Variants in BZW1 observed in about 807,000 individuals in gnomAD.
BZW1 encodes the protein eIF5-mimic protein 2.
BZW1 carries 3 observed loss-of-function variants against 54.1 expected under a neutral mutation model. That is an observed-to-expected ratio of 0.06 (90% CI 0.03 to 0.14). BZW1 has a LOEUF of 0.14. BZW1 is among the 10% of genes least tolerant of loss of function. The pLI is 1.00. For synonymous variants in BZW1, 152 were observed against 162.7 expected (o/e 0.93, Z 0.50); for missense variants, 206 against 491.7 (o/e 0.42, Z 5.50).
Position 200,822,177 on chromosome 2 carries a change from G to A in BZW1, c.1259G>A (p.Ter420=). The change falls in exon 12 of 12, where the codon TGA becomes TAA. Residue 420 remains the stop codon, a stop_retained_variant. Transcript: ENST00000409600. ...GAATCTGAAGCTGAAGAAGGTGACT[G>A]AATTTTGAAACTACACCCTCAGTAA... The part of the protein sequence containing the change: ...ESESEAEEGD[*] 1 of 1,603,178 alleles carries A rather than the reference G, an allele frequency of 6.2e-7. No individual in the cohort carries two copies. Among genetic ancestry groups the A allele is most frequent in the Non-Finnish European group, 8.5e-7 (1 of 1,173,762 alleles).
rs1205357249 is a variant in BZW1 at position 200,824,707 on chromosome 2, C to T, written c.*2529C>T. 3 of 143,068 alleles carry T rather than the reference C, an allele frequency of 2.1e-5. No homozygotes were observed. Among genetic ancestry groups the T allele is most frequent in the East Asian group, 4.1e-4 (2 of 4,938 alleles). 8.9% of individuals were successfully genotyped at this position (143,068 alleles called of 1,614,324 possible). On this transcript the variant is annotated 3_prime_UTR_variant, in exon 12 of 12. Coordinates refer to ENST00000409600, the MANE Select transcript of BZW1 (RefSeq NM_001207067.2). ...TTTTTTTTTGAGACGGAGTCTCGCT[C>T]TGTCACCAGGCTGGAGTGCAGTGGC... is the stretch of plus-strand genomic sequence containing the variant.
At position 200,826,147 on chromosome 2, in the gene BZW1, ACT is replaced by A. The variant is rs2038682109; in HGVS notation, c.*3972_*3973del. On this transcript the variant is annotated 3_prime_UTR_variant, in exon 12 of 12. Transcript: ENST00000409600. Reference sequence around the variant, plus strand: ...GTTTATAATTGGCTTTTGTCCAAAAACTCTTAAGTGGATTAATATCTGAACAA... The same window carrying A: ...GTTTATAATTGGCTTTTGTCCAAAAACTTAAGTGGATTAATATCTGAACAA... 1 of 152,116 alleles carries A rather than the reference ACT, an allele frequency of 6.6e-6. No individual in the cohort carries two copies. The highest frequency in any genetic ancestry group is 1.5e-5 in the Non-Finnish European group (1 of 68,012). The allele number at this position is 152,116 out of a possible 1,614,324, so 9.4% of individuals were successfully genotyped here.
Position 200,822,198 on chromosome 2 carries a change from A to AGT in BZW1, c.*21_*22dup, listed in dbSNP as rs2038553921. The AGT allele has an allele frequency of 6.3e-7, 1 of 1,579,724 alleles. No individual in the cohort carries two copies. Among genetic ancestry groups the AGT allele is most frequent in the Admixed American group, 1.7e-5 (1 of 57,258 alleles). ...GACTGAATTTTGAAACTACACCCTC[A>AGT]GTAAAGCAAACAGGAGTTGTAGATA... is the stretch of plus-strand genomic sequence containing the variant. On this transcript the variant is annotated 3_prime_UTR_variant, in exon 12 of 12. Coordinates refer to ENST00000409600, the MANE Select transcript of BZW1 (RefSeq NM_001207067.2).
chr2:200,813,833 C>T (rs2038184897), intron 2 of BZW1, among the ~76,000 whole-genome samples: 1 of 151,968 alleles, frequency 6.6e-6, no homozygotes, highest in South Asian at 2.1e-4. Context: ...TAGCAAAGTG[C>T]TGTGCTAGTG....
intron 4 of BZW1, 69 bp from the exon 5 acceptor site, chr2:200,816,256 T>G: frequency 8.7e-7 from 1 of 1,150,640 alleles, no homozygotes; most frequent in South Asian, 1.6e-5. Flanking sequence ...TTACATCGAG[T>G]GAAAGGTTTA....
intron 1 of BZW1, chr2:200,812,514 G>A: frequency 2.2e-6 from 3 of 1,379,256 alleles, no homozygotes; most frequent in Middle Eastern, 2.4e-4. Flanking sequence ...AAAGAGCCGC[G>A]GGACCCTACG....
chr2:200,815,409 A>C lies in BZW1; in HGVS notation c.133A>C (p.Thr45Pro). ...CIIQGLTETGTDLEAVAKFLD... is the reference protein window; with the variant it reads ...CIIQGLTETGPDLEAVAKFLD... ...TATTCAAGGCTTAACTGAAACCGGT[A>C]CTGATTTGGAAGCAGTAGCTAAGTT... is the stretch of plus-strand genomic sequence containing the variant. Residue 45 changes from threonine to proline, a missense_variant, in exon 3 of 12, where the codon ACT (threonine) becomes CCT (proline). Transcript: ENST00000409600. The C allele has an allele frequency of 6.2e-7, 1 of 1,614,000 alleles. No individual in the cohort carries two copies. The highest frequency in any genetic ancestry group is 8.5e-7 in the Non-Finnish European group (1 of 1,179,876).
rs1321129571 is a variant in BZW1, at chr2:200,823,840, C to CT, written c.*1665dup. ...AATAAAGTCCATACTTACACTTAGG[C>CT]TTTATACATCAGTCTTTTTTTTTTT... On this transcript the variant is annotated 3_prime_UTR_variant, in exon 12 of 12. Transcript: ENST00000409600. The CT allele has an allele frequency of 2.0e-5, 3 of 152,080 alleles. No homozygotes were observed. The highest frequency in any genetic ancestry group is 4.4e-5 in the Non-Finnish European group (3 of 67,922). The allele number at this position is 152,080 out of a possible 1,614,324, so 9.4% of individuals were successfully genotyped here. A position where few individuals can be genotyped will look rare whatever the true frequency, so the allele number is the denominator to read the frequency against.
intron 5 of BZW1, 133 bp from the exon 6 acceptor site, chr2:200,816,973 A>G: frequency 9.5e-7 from 1 of 1,051,568 alleles, no homozygotes; most frequent in South Asian, 1.6e-5. Context: ...GAGTATTGTA[A>G]CTTAGATGTA....
upstream of BZW1, chr2:200,811,903 T>G: frequency 4.7e-6 from 1 of 213,960 alleles, no homozygotes; most frequent in Non-Finnish European, 9.2e-6. Flanking sequence ...TCCCTCCTCC[T>G]GGCGTTAGTT....
At chr2:200,812,218 G>T in intron 1 of BZW1, 1 of 1,227,642 alleles carries the variant, frequency 8.1e-7, no homozygotes, top group Non-Finnish European at 1.0e-6. Context: ...TGTGCGCCGC[G>T]GCGCTGGCTG....
chr2:200,816,299 C>T, intron 4 of BZW1, 26 bp from the exon 5 acceptor site: 1 of 1,505,176 alleles, frequency 6.6e-7, no homozygotes. Context: ...TATGAAGTTA[C>T]TGAATTCATT....
At chr2:200,812,657 G>A (rs2038120589) in intron 1 of BZW1, 3 of 1,189,654 alleles carry the variant, frequency 2.5e-6, no homozygotes, top group African/African-American at 1.5e-5. Context: ...TATGGGCGAA[G>A]GAGGCTGGGC....
In BZW1 at chr2:200,827,054, T is replaced by C. The variant is rs1318040050; in HGVS notation, c.*4876T>C. 6.6e-6 allele frequency: 1 copy of C among 152,086 alleles called. No homozygotes were observed. Among genetic ancestry groups the C allele is most frequent in the Non-Finnish European group, 1.5e-5 (1 of 68,028 alleles). 9.4% of individuals were successfully genotyped at this position (152,086 alleles called of 1,614,324 possible). ...AGCCTCTATGACTTCAAAAAGATAC[T>C]CAACAGTCTCTGGCATTTGAAGAAC... On this transcript the variant is annotated 3_prime_UTR_variant, in exon 12 of 12. Coordinates refer to ENST00000409600, the MANE Select transcript of BZW1 (RefSeq NM_001207067.2).
At chr2:200,817,324 C>A in intron 6 of BZW1, 83 bp downstream of exon 6, 5 of 1,477,806 alleles carry the variant, frequency 3.4e-6, no homozygotes, top group Non-Finnish European at 2.8e-6. Context: ...GATGTGACTT[C>A]TGTGAAAGTC....
At position 200,817,293 on chromosome 2, in the gene BZW1, G is replaced by A. The variant is rs972391566; in HGVS notation, c.538+52G>A. 22 of 1,589,354 alleles carry A rather than the reference G, an allele frequency of 1.4e-5. 1 individual carries two copies. The Admixed American group carries it at 3.7e-4, about 27-fold the overall frequency. ...AGTTGACTCAGAGTGGGGTGGATAA[G>A]AGCATGGTTTACTGTTCATAGATGT... On this transcript the variant is annotated intron_variant, in intron 6 of 11. Coordinates refer to ENST00000409600, the MANE Select transcript of BZW1 (RefSeq NM_001207067.2).
At position 200,824,519 on chromosome 2, in the gene BZW1, T is replaced by G. The variant is rs1206557640; in HGVS notation, c.*2341T>G. ...ATATAGATGTTTATTCCATTCTTAT[T>G]TAAAAAAAAAAACCTCCATATACCA... On this transcript the variant is annotated 3_prime_UTR_variant, in exon 12 of 12. Transcript: ENST00000409600. The G allele has an allele frequency of 6.6e-6, 1 of 151,514 alleles. No homozygotes were observed. The highest frequency in any genetic ancestry group is 1.5e-5 in the Non-Finnish European group (1 of 67,888). 9.4% of individuals were successfully genotyped at this position (151,514 alleles called of 1,614,324 possible).
chr2:200,815,834 T>C (rs866700854), intron 4 of BZW1, 73 bp downstream of exon 4: 1 of 1,332,284 alleles, frequency 7.5e-7, no homozygotes, highest in Middle Eastern at 1.9e-4. Context: ...TATTCTACTT[T>C]TAAGAGTTGT....
Position 200,813,244 on chromosome 2 carries a change from A to C in BZW1, c.27A>C (p.Pro9=). The change falls in exon 2 of 12, where the codon CCA becomes CCC. Residue 9 remains proline, a synonymous_variant. Coordinates refer to ENST00000409600, the MANE Select transcript of BZW1 (RefSeq NM_001207067.2). MNNQKQQK[P]TLSGQRFKTR... ...TGAATAATCAAAAGCAGCAAAAGCC[A>C]ACGCTATCAGGCCAGCGTTTTAAAA... 6.2e-7 allele frequency: 1 copy of C among 1,613,766 alleles called. No individual in the cohort carries two copies. Among genetic ancestry groups the C allele is most frequent in the Admixed American group, 1.7e-5 (1 of 60,026 alleles).
Sources: gnomAD v4.1 joint callset for allele counts (sites outside exome capture counted in the v4.1 genomes callset) on GRCh38, gnomAD v4.1.1 for gene constraint, MANE v1.5 for transcripts, NCBI Gene and HGNC (gene_info 2026-07-23, HGNC 2026-07-21) for gene names.